The following LRRN2 variants were observed in gnomAD, a reference collection of about 807,000 sequenced individuals.
LRRN2 encodes the protein leucine-rich repeat neuronal protein 2.
In LRRN2, 10 loss-of-function variants were observed where a neutral mutation model predicts 35.7. The observed-to-expected ratio is 0.28, with a 90% CI of 0.17 to 0.47. LRRN2 has a LOEUF of 0.47. LRRN2 is among the 20% of genes least tolerant of loss of function. LRRN2 has a pLI of 0.99. For synonymous variants in LRRN2, 391 were observed against 409.6 expected, an observed-to-expected ratio of 0.95 and a Z score of 0.55; for missense variants, 731 against 940.3, an observed-to-expected ratio of 0.78 and a Z score of 2.91.
At chr1:204,621,592 G>C (rs1220559640) in intron 1 of LRRN2, 1 of 167,098 alleles carries the variant, frequency 6.0e-6, no homozygotes, top group Non-Finnish European at 1.5e-5. Flanking sequence ...TTGATTGTAT[G>C]AATCAATCTC....
At chr1:204,675,088 A>C (rs1177633532) in intron 1 of LRRN2, among the ~76,000 whole-genome samples, 1 of 152,126 alleles carries the variant, frequency 6.6e-6, no homozygotes, top group African/African-American at 2.4e-5. Context: ...ACCTCACACA[A>C]AACCACTCCT....
chr1:204,620,280 G>T, intron 1 of LRRN2, 62 bp from the exon 2 acceptor site: 1 of 1,193,852 alleles, frequency 8.4e-7, no homozygotes, highest in Non-Finnish European at 1.1e-6. Context: ...CCCTCCTCCC[G>T]TGTTTGTTTG....
intron 1 of LRRN2, among the ~76,000 whole-genome samples, chr1:204,623,621 A>G (rs984822353): frequency 1.3e-5 from 2 of 152,206 alleles, no homozygotes; most frequent in East Asian, 1.9e-4. Context: ...TGCCTTGCAC[A>G]TGGCCCGCTC....
intron 1 of LRRN2, among the ~76,000 whole-genome samples, chr1:204,660,030 A>G (rs1668437802): frequency 6.6e-6 from 1 of 152,200 alleles, no homozygotes; most frequent in African/African-American, 2.4e-5. Flanking sequence ...CCACTCCTTG[A>G]CACTTTACCA....
chr1:204,637,122 T>G (rs769198352), intron 1 of LRRN2, among the ~76,000 whole-genome samples: 1 of 152,184 alleles, frequency 6.6e-6, no homozygotes, highest in African/African-American at 2.4e-5. Flanking sequence ...TAAAATTCCC[T>G]TTACTGTGCG....
chr1:204,661,710 A>C (rs1475464941), intron 1 of LRRN2, among the ~76,000 whole-genome samples: 1 of 152,264 alleles, frequency 6.6e-6, no homozygotes, highest in Admixed American at 6.5e-5. Context: ...TGGGTGGCTG[A>C]GGGCTCCCGG....
At chr1:204,622,209 T>C (rs1666943157) in intron 1 of LRRN2, 1 of 167,084 alleles carries the variant, frequency 6.0e-6, no homozygotes, top group African/African-American at 2.4e-5. Context: ...CCTGTTCTCG[T>C]CCCCTGGGGT....
At chr1:204,660,604 C>T (rs1035680897) in intron 1 of LRRN2, among the ~76,000 whole-genome samples, 3 of 150,280 alleles carry the variant, frequency 2.0e-5, no homozygotes, top group Non-Finnish European at 4.4e-5. Context: ...CTCTCTCTCA[C>T]TTCGTCTTAG....
intron 1 of LRRN2, among the ~76,000 whole-genome samples, chr1:204,640,559 G>A (rs1667955094): frequency 2.6e-5 from 4 of 152,154 alleles, no homozygotes; most frequent in Admixed American, 2.6e-4. Context: ...CCGAGGAGAC[G>A]GTGAGGCCTG....
chr1:204,643,036 T>C (rs1668017837), intron 1 of LRRN2, among the ~76,000 whole-genome samples: 1 of 152,146 alleles, frequency 6.6e-6, no homozygotes, highest in South Asian at 2.1e-4. Context: ...CCCTGAGTGA[T>C]TTAAACAGAC....
chr1:204,674,587 A>G lies in LRRN2; in HGVS notation c.-227+10733T>C, dbSNP rs894658438. 5.9e-5 allele frequency among the ~76,000 whole-genome samples: 9 copies of G among 152,286 alleles called. No homozygotes were observed. The South Asian group carries it at 6.2e-4, about 11-fold the overall frequency. Reference sequence around the variant, plus strand: ...GCTTCTCCTCTCCCTTCCCTCCCACAGCCCTGGGTCCTGCCCACCTGCAGC... The same window carrying G: ...GCTTCTCCTCTCCCTTCCCTCCCACGGCCCTGGGTCCTGCCCACCTGCAGC... On this transcript the variant is annotated intron_variant, in intron 1 of 1. Coordinates refer to ENST00000367177, the MANE Select transcript of LRRN2 (RefSeq NM_201630.2).
intron 1 of LRRN2, among the ~76,000 whole-genome samples, chr1:204,671,642 T>TAAAAAAAAAAAAA (rs35192809): frequency 3.3e-5 from 1 of 30,252 alleles, no homozygotes; most frequent in East Asian, 1.3e-3. Context: ...TAATTGATGG[T>TAAAAAAAAAAAAA]AAAAAAAAAA....
intron 1 of LRRN2, among the ~76,000 whole-genome samples, chr1:204,668,847 A>G (rs867332287): frequency 6.6e-6 from 1 of 152,228 alleles, no homozygotes; most frequent in Non-Finnish European, 1.5e-5. Flanking sequence ...TTTTTGAGAC[A>G]GGGTCTCACT....
chr1:204,620,768 G>C (rs1316938786), intron 1 of LRRN2: 2 of 167,216 alleles, frequency 1.2e-5, no homozygotes, highest in Non-Finnish European at 2.9e-5. Context: ...GAGGGAAGGA[G>C]AGTGGATGGG....
chr1:204,619,529 C>A lies in LRRN2; in HGVS notation c.464G>T (p.Arg155Leu). 6.2e-7 allele frequency: 1 copy of A among 1,614,196 alleles called. No homozygotes were observed. Among genetic ancestry groups the A allele is most frequent in the South Asian group, 1.1e-5 (1 of 91,078 alleles). The change falls in exon 2 of 2, where the codon CGC becomes CTC. Residue 155 changes from arginine (R) to leucine (L), a missense_variant. Coordinates refer to ENST00000367177, the MANE Select transcript of LRRN2 (RefSeq NM_201630.2). ...ELYLNHNQLYRIAPRAFSGLS... is the reference protein window; with the variant it reads ...ELYLNHNQLYLIAPRAFSGLS... ...GCCAGAAAAGGCCCTGGGGGCGATG[C>A]GGTAGAGCTGGTTGTGGTTGAGATA... is the stretch of plus-strand genomic sequence containing the variant.
intron 1 of LRRN2, chr1:204,628,325 C>T (rs1321497005): frequency 1.3e-5 from 2 of 152,304 alleles, no homozygotes; most frequent in Non-Finnish European, 2.9e-5. Flanking sequence ...ACCGACCTCT[C>T]TGAGAGCACA....
intron 1 of LRRN2, among the ~76,000 whole-genome samples, chr1:204,651,943 C>T (rs1211489690): frequency 6.6e-6 from 1 of 152,240 alleles, no homozygotes; most frequent in Non-Finnish European, 1.5e-5. Context: ...CAACTCCCTT[C>T]CCCAGCCGGC....
chr1:204,652,339 C>G (rs918672850), intron 1 of LRRN2, among the ~76,000 whole-genome samples: 1 of 149,458 alleles, frequency 6.7e-6, no homozygotes, highest in Non-Finnish European at 1.5e-5. Context: ...TAACCCACCC[C>G]TCTCCCGGTT....
chr1:204,665,393 G>A lies in LRRN2; in HGVS notation c.-227+19927C>T, dbSNP rs568334624. On this transcript the variant is annotated intron_variant, in intron 1 of 1. Coordinates refer to ENST00000367177, the MANE Select transcript of LRRN2 (RefSeq NM_201630.2). ...GGCTCTAAGTGATCCTCCCACCTCCGCCTTCCAAAGTACTGGGGTTACAGG... is the reference window on the plus strand; with the variant it reads ...GGCTCTAAGTGATCCTCCCACCTCCACCTTCCAAAGTACTGGGGTTACAGG... Among the ~76,000 whole-genome samples the A allele has an allele frequency of 1.5e-4, 23 of 152,070 alleles. 1 individual carries two copies. The highest frequency in any genetic ancestry group is 4.6e-4 in the Admixed American group (7 of 15,292).
Sources: gnomAD v4.1 joint callset for allele counts (sites outside exome capture counted in the v4.1 genomes callset) on GRCh38, gnomAD v4.1.1 for gene constraint, MANE v1.5 for transcripts, NCBI Gene and HGNC (gene_info 2026-07-23, HGNC 2026-07-21) for gene names.